Variants in DMAC2L observed in about 807,000 individuals in gnomAD.
DMAC2L encodes the protein distal membrane arm assembly component 2 like, also known as ATP synthase subunit s, mitochondrial.
DMAC2L carries 21 observed loss-of-function variants against 22.5 expected under a neutral mutation model. That is an observed-to-expected ratio of 0.93 (90% CI 0.66 to 1.34). DMAC2L has a LOEUF of 1.34. Among genes scored for constraint, DMAC2L ranks in the 40% most tolerant of loss-of-function variants. DMAC2L has a pLI of 0.00. For synonymous variants in DMAC2L, 86 were observed against 89.5 expected, an observed-to-expected ratio of 0.96 and a Z score of 0.22; for missense variants, 239 against 246.5, an observed-to-expected ratio of 0.97 and a Z score of 0.20.
At chr14:50,319,320 A>G in intron 2 of DMAC2L, 1 of 1,536,132 alleles carries the variant, frequency 6.5e-7, no homozygotes, top group Non-Finnish European at 8.7e-7. Context: ...TTCTGTCTTC[A>G]GTTCACATCT....
At chr14:50,321,430 T>C in intron 2 of DMAC2L, 53 bp from the exon 3 acceptor site, 1 of 1,603,280 alleles carries the variant, frequency 6.2e-7, no homozygotes, top group Non-Finnish European at 8.5e-7. Context: ...TAAGTTGCTA[T>C]ATGTATGGGA....
Position 50,326,750 on chromosome 14 carries a change from A to G in DMAC2L, c.*1027A>G. On this transcript the variant is annotated 3_prime_UTR_variant, in exon 6 of 6. Transcript: ENST00000557421. The stretch of plus-strand genomic sequence containing the variant: ...GCTTAGGTTTTTCTTGAAACCTAAC[A>G]TTGCTTTAGGCTGGGTGCCGTGGCT... 1 of 985,400 alleles carries G rather than the reference A, an allele frequency of 1.0e-6. No individual in the cohort carries two copies. Among genetic ancestry groups the G allele is most frequent in the Non-Finnish European group, 1.2e-6 (1 of 829,900 alleles). The allele number at this position is 985,400 out of a possible 1,614,324, so 61.0% of individuals were successfully genotyped here.
chr14:50,313,985 T>C (rs1466770130), intron 1 of DMAC2L, among the ~76,000 whole-genome samples: 3 of 152,348 alleles, frequency 2.0e-5, no homozygotes, highest in Admixed American at 1.3e-4. Flanking sequence ...GTATGTAACT[T>C]TTATTGACTC....
Position 50,326,739 on chromosome 14 carries a change from T to A in DMAC2L, c.*1016T>A. ...TAGTGGGCTATGCTTAGGTTTTTCTTGAAACCTAACATTGCTTTAGGCTGG... is the reference window on the plus strand; with the variant it reads ...TAGTGGGCTATGCTTAGGTTTTTCTAGAAACCTAACATTGCTTTAGGCTGG... On this transcript the variant is annotated 3_prime_UTR_variant, in exon 6 of 6. Coordinates refer to ENST00000557421, the MANE Select transcript of DMAC2L (RefSeq NM_001382507.1). 1 of 985,406 alleles carries A rather than the reference T, an allele frequency of 1.0e-6. No homozygotes were observed. Among genetic ancestry groups the A allele is most frequent in the Non-Finnish European group, 1.2e-6 (1 of 829,916 alleles). 61.0% of individuals were successfully genotyped at this position (985,406 alleles called of 1,614,324 possible).
chr14:50,320,803 A>G (rs542215990), intron 2 of DMAC2L, among the ~76,000 whole-genome samples: 166 of 152,168 alleles, frequency 1.1e-3, no homozygotes, highest in Admixed American at 3.2e-3. Context: ...GCATACTACT[A>G]GGGAAACTTG....
At chr14:50,323,019 C>A in intron 4 of DMAC2L, 2 of 1,291,574 alleles carry the variant, frequency 1.5e-6, no homozygotes, top group Non-Finnish European at 2.0e-6. Context: ...CATTGAGAAG[C>A]CCTCAATAAT....
chr14:50,311,945 TCCA>T (rs2031233309), upstream of DMAC2L: 1 of 1,530,954 alleles, frequency 6.5e-7, no homozygotes, highest in Admixed American at 2.0e-5. Context: ...GGGGCACAGG[TCCA>T]CCACCAGGTG....
Position 50,326,321 on chromosome 14 carries a change from A to C in DMAC2L, c.*598A>C, listed in dbSNP as rs1490788357. ...AATCTATAGATATCTCTTGATGTAG[A>C]TATTTAGAATCCTTTAAAGTTATTT... On this transcript the variant is annotated 3_prime_UTR_variant, in exon 6 of 6. Coordinates refer to ENST00000557421, the MANE Select transcript of DMAC2L (RefSeq NM_001382507.1). The C allele has an allele frequency of 9.8e-6, 6 of 613,194 alleles. No individual in the cohort carries two copies. In the African/African-American group the frequency reaches 1.0e-4, roughly 10 times the overall value. The allele number at this position is 613,194 out of a possible 1,614,324, so 38.0% of individuals were successfully genotyped here. A position where few individuals can be genotyped will look rare whatever the true frequency, so the allele number is the denominator to read the frequency against.
chr14:50,321,345 G>C, intron 2 of DMAC2L, 138 bp from the exon 3 acceptor site: 1 of 1,376,282 alleles, frequency 7.3e-7, no homozygotes, highest in Non-Finnish European at 9.4e-7. Flanking sequence ...CAAGAAACAG[G>C]AGTGACTTGC....
intron 2 of DMAC2L, chr14:50,319,183 G>A: frequency 2.0e-6 from 3 of 1,535,590 alleles, no homozygotes; most frequent in Non-Finnish European, 2.6e-6. Flanking sequence ...GTTATTCAAG[G>A]TGGGCACAGG....
At chr14:50,319,622 C>T (rs2032101982) in intron 2 of DMAC2L, among the ~76,000 whole-genome samples, 1 of 152,202 alleles carries the variant, frequency 6.6e-6, no homozygotes, top group Non-Finnish European at 1.5e-5. Flanking sequence ...TCAGTTTCCT[C>T]ACCTCTAAAT....
Position 50,314,587 on chromosome 14 carries a change from C to T in DMAC2L, c.-41-4C>T, listed in dbSNP as rs1369678965. 1 of 455,628 alleles carries T rather than the reference C, an allele frequency of 2.2e-6. No individual in the cohort carries two copies. The highest frequency in any genetic ancestry group is 2.0e-5 in the African/African-American group (1 of 50,186). The allele number at this position is 455,628 out of a possible 1,614,324, so 28.2% of individuals were successfully genotyped here. A position where few individuals can be genotyped will look rare whatever the true frequency, so the allele number is the denominator to read the frequency against. On this transcript the variant is annotated splice_polypyrimidine_tract_variant and splice_region_variant and intron_variant, in intron 1 of 5. Coordinates refer to ENST00000557421, the MANE Select transcript of DMAC2L (RefSeq NM_001382507.1). Reference sequence around the variant, plus strand: ...TTTGTGTGAACCTGTTTTTGTTTCTCTAGGATAAGTGCCCAAGAGTACAAT... The same window carrying T: ...TTTGTGTGAACCTGTTTTTGTTTCTTTAGGATAAGTGCCCAAGAGTACAAT...
At chr14:50,323,882 A>C (rs892103137) in intron 4 of DMAC2L, 63 bp from the exon 5 acceptor site, 20 of 1,451,164 alleles carry the variant, frequency 1.4e-5, no homozygotes, top group Non-Finnish European at 1.7e-5. Flanking sequence ...GTCGTGGGCA[A>C]ACCAGGACAG....
chr14:50,312,326 GC>G lies in DMAC2L; in HGVS notation c.-103del. 2 of 875,594 alleles carry G rather than the reference GC, an allele frequency of 2.3e-6. No individual in the cohort carries two copies. The highest frequency in any genetic ancestry group is 1.7e-6 in the Non-Finnish European group (1 of 577,396). 54.2% of individuals were successfully genotyped at this position (875,594 alleles called of 1,614,324 possible). ...AGGCGCGCGCGTCGGAGGGCGAAGGGCCGGCCAGGGTGCCGCAGACGCGGGG... is the reference window on the plus strand; with the variant it reads ...AGGCGCGCGCGTCGGAGGGCGAAGGGCGGCCAGGGTGCCGCAGACGCGGGG... On this transcript the variant is annotated 5_prime_UTR_variant, in exon 1 of 6. Coordinates refer to ENST00000557421, the MANE Select transcript of DMAC2L (RefSeq NM_001382507.1).
intron 2 of DMAC2L, among the ~76,000 whole-genome samples, chr14:50,320,327 T>A (rs775578309): frequency 6.6e-6 from 1 of 152,116 alleles, no homozygotes; most frequent in Non-Finnish European, 1.5e-5. Context: ...GCCAGGATCG[T>A]CTCGATATCC....
intron 1 of DMAC2L, chr14:50,312,717 T>G: frequency 2.8e-6 from 1 of 352,148 alleles, no homozygotes; most frequent in African/African-American, 2.2e-5. Context: ...ACCCACCGTC[T>G]CCATCCCGGC....
At chr14:50,322,440 A>T (rs796295339) in intron 3 of DMAC2L, 71 bp from the exon 4 acceptor site, 1 of 1,446,490 alleles carries the variant, frequency 6.9e-7, no homozygotes, top group South Asian at 1.4e-5. Flanking sequence ...TGTATTATTT[A>T]TGTCAGTTAA....
chr14:50,317,993 A>C (rs184313547), intron 2 of DMAC2L, among the ~76,000 whole-genome samples: 8 of 152,258 alleles, frequency 5.3e-5, no homozygotes, highest in Non-Finnish European at 1.2e-4. Context: ...TTCTGCATCT[A>C]TTGAGATGAT....
At chr14:50,317,006 G>A (rs1446765004) in intron 2 of DMAC2L, among the ~76,000 whole-genome samples, 2 of 152,176 alleles carry the variant, frequency 1.3e-5, no homozygotes, top group African/African-American at 2.4e-5. Context: ...GAAGCAATTT[G>A]TAGATTGCTT....
Sources: gnomAD v4.1 joint callset for allele counts (sites outside exome capture counted in the v4.1 genomes callset) on GRCh38, gnomAD v4.1.1 for gene constraint, MANE v1.5 for transcripts, NCBI Gene and HGNC (gene_info 2026-07-23, HGNC 2026-07-21) for gene names.